The following THSD4 variants were observed in gnomAD, a reference collection of about 807,000 sequenced individuals.
THSD4 encodes the protein thrombospondin type-1 domain-containing protein 4.
Under a neutral mutation model 119.0 loss-of-function variants are expected in THSD4, and 69 were observed. The ratio of observed to expected loss-of-function variants is 0.58; its 90% CI spans 0.48 to 0.71. THSD4 has a LOEUF of 0.71. Ranked by LOEUF, THSD4 falls within the 30% of genes least tolerant of loss-of-function variation. THSD4 has a pLI of 0.00. For synonymous variants in THSD4, 524 were observed against 540.4 expected, an observed-to-expected ratio of 0.97 and a Z score of 0.42; for missense variants, 1,393 against 1,391.1, an observed-to-expected ratio of 1.00 and a Z score of -0.02.
intron 8 of THSD4, among the ~76,000 whole-genome samples, chr15:71,687,413 A>G (rs1342383652): frequency 6.6e-6 from 1 of 152,222 alleles, no homozygotes; most frequent in Non-Finnish European, 1.5e-5. Context: ...CAGGCATAAG[A>G]GACCGTGAAA....
intron 6 of THSD4, among the ~76,000 whole-genome samples, chr15:71,368,399 A>G (rs1420859001): frequency 2.6e-5 from 4 of 152,164 alleles, no homozygotes; most frequent in Non-Finnish European, 5.9e-5. Flanking sequence ...GTTTTCTTCT[A>G]GGGTTTTTAT....
chr15:71,423,293 G>A (rs1190362320), intron 7 of THSD4, among the ~76,000 whole-genome samples: 2 of 152,118 alleles, frequency 1.3e-5, no homozygotes, highest in Middle Eastern at 3.2e-3. Context: ...CTGGGAGTGC[G>A]CTCAGTCACA....
intron 3 of THSD4, among the ~76,000 whole-genome samples, chr15:71,204,203 T>A (rs536569855): frequency 3.2e-4 from 49 of 152,328 alleles, no homozygotes; most frequent in Admixed American, 3.9e-4. Flanking sequence ...TTTCTAGTTA[T>A]AACGAAGTAC....
At chr15:71,310,608 G>A (rs531168450) in intron 6 of THSD4, among the ~76,000 whole-genome samples, 1 of 152,248 alleles carries the variant, frequency 6.6e-6, no homozygotes, top group East Asian at 1.9e-4. Context: ...CTCTAAGCTT[G>A]CATTCATTCC....
chr15:71,141,802 G>T (rs1371276458), intron 2 of THSD4, among the ~76,000 whole-genome samples: 2 of 152,140 alleles, frequency 1.3e-5, no homozygotes, highest in Non-Finnish European at 2.9e-5. Context: ...CCTTCTGTAG[G>T]CTTCAAGAAA....
chr15:71,598,457 C>T (rs34988639), intron 7 of THSD4, among the ~76,000 whole-genome samples: 27,517 of 151,936 alleles, frequency 0.18, 3,105 homozygotes, highest in East Asian at 0.48. Flanking sequence ...TGCTAGAGGA[C>T]TCATTGTAAA....
At position 71,745,083 on chromosome 15, in the gene THSD4, C is replaced by T. The variant is rs1428966290; in HGVS notation, c.1907-23C>T. 3 of 1,606,112 alleles carry T rather than the reference C, an allele frequency of 1.9e-6. No homozygotes were observed. In the South Asian group the frequency reaches 3.3e-5, roughly 18 times the overall value. ...CTTTCCAGTGTGTGGGACTGTCCTT[C>T]AGACATTCTCCTGTTGTTGCAGGAT... On this transcript the variant is annotated intron_variant, in intron 11 of 17. Coordinates refer to ENST00000261862, the MANE Select transcript of THSD4 (RefSeq NM_024817.3).
intron 2 of THSD4, among the ~76,000 whole-genome samples, chr15:71,144,015 A>G (rs1052739576): frequency 6.6e-5 from 10 of 152,144 alleles, no homozygotes; most frequent in Non-Finnish European, 1.3e-4. Flanking sequence ...GGATGGGAGT[A>G]GTTGAAAGCT....
chr15:71,439,459 G>C (rs1045336653), intron 7 of THSD4, among the ~76,000 whole-genome samples: 5 of 152,142 alleles, frequency 3.3e-5, no homozygotes, highest in Admixed American at 3.3e-4. Context: ...ACAGTGTGAT[G>C]ATTCATCAAG....
At chr15:71,485,787 A>G (rs2047806759) in intron 7 of THSD4, among the ~76,000 whole-genome samples, 1 of 152,148 alleles carries the variant, frequency 6.6e-6, no homozygotes, top group Non-Finnish European at 1.5e-5. Flanking sequence ...TGTTATTCCT[A>G]TAAAATTAGT....
intron 7 of THSD4, among the ~76,000 whole-genome samples, chr15:71,506,354 A>G (rs906105227): frequency 3.3e-5 from 5 of 152,182 alleles, no homozygotes; most frequent in Non-Finnish European, 7.3e-5. Flanking sequence ...CAAACTGCCC[A>G]GGGTTAAGTA....
At chr15:71,255,223 T>TCACA (rs746920820) in intron 5 of THSD4, among the ~76,000 whole-genome samples, 9 of 151,374 alleles carry the variant, frequency 5.9e-5, no homozygotes, top group Non-Finnish European at 1.2e-4. Flanking sequence ...TTCTGATTAT[T>TCACA]CACACACACA....
rs768109324 is a variant in THSD4, at chr15:71,215,288, G to A, written c.353G>A (p.Arg118His). ...VRTSVPLHRSRDETPALAGTD... is the reference protein window; with the variant it reads ...VRTSVPLHRSHDETPALAGTD... ...ACGTCGGTGCCACTGCACCGGAGCC[G>A]CGACGAGACGCCAGCGCTGGCCGGT... The change falls in exon 4 of 18, where the codon CGC becomes CAC. Residue 118 changes from arginine to histidine, a missense_variant. Arg to His is a conservative substitution (Grantham distance 29). Coordinates refer to ENST00000261862, the MANE Select transcript of THSD4 (RefSeq NM_024817.3). The A allele has an allele frequency of 1.3e-6, 2 of 1,521,992 alleles. No homozygotes were observed. Among genetic ancestry groups the A allele is most frequent in the Admixed American group, 2.0e-5 (1 of 50,344 alleles). 94.3% of individuals were successfully genotyped at this position (1,521,992 alleles called of 1,614,324 possible). A position where few individuals can be genotyped will look rare whatever the true frequency, so the allele number is the denominator to read the frequency against.
chr15:71,240,798 TACACACACACAC>T (rs58462444), intron 4 of THSD4, among the ~76,000 whole-genome samples: 186 of 145,608 alleles, frequency 1.3e-3, no homozygotes, highest in African/African-American at 4.4e-3. Flanking sequence ...TATATGTGTA[TACACACACACAC>T]ACACACACAC....
At chr15:71,100,722 G>C (rs1175028005) in intron 1 of THSD4, among the ~76,000 whole-genome samples, 1 of 152,180 alleles carries the variant, frequency 6.6e-6, no homozygotes, top group South Asian at 2.1e-4. Context: ...GCTCATGACT[G>C]TAATTCCAGC....
At chr15:71,369,665 G>A (rs2046016105) in intron 6 of THSD4, among the ~76,000 whole-genome samples, 1 of 152,184 alleles carries the variant, frequency 6.6e-6, no homozygotes, top group African/African-American at 2.4e-5. Flanking sequence ...TTTTTGATGT[G>A]CTGCTGGATT....
intron 5 of THSD4, among the ~76,000 whole-genome samples, chr15:71,246,364 T>TA (rs2044201275): frequency 6.6e-6 from 1 of 152,154 alleles, no homozygotes. Flanking sequence ...ACTGAAGAAA[T>TA]ACGTGGATGA....
chr15:71,682,463 G>C (rs1015326602), intron 8 of THSD4, among the ~76,000 whole-genome samples: 3 of 151,836 alleles, frequency 2.0e-5, no homozygotes, highest in Non-Finnish European at 4.4e-5. Flanking sequence ...CCTCCCCACC[G>C]CAGAAAGAAC....
intron 6 of THSD4, among the ~76,000 whole-genome samples, chr15:71,292,466 A>G (rs1487152338): frequency 2.0e-5 from 3 of 148,586 alleles, no homozygotes; most frequent in Admixed American, 6.7e-5. Context: ...TGTCTTTCCT[A>G]TTTTCTGTTT....
Sources: gnomAD v4.1 joint callset for allele counts (sites outside exome capture counted in the v4.1 genomes callset) on GRCh38, gnomAD v4.1.1 for gene constraint, MANE v1.5 for transcripts, NCBI Gene and HGNC (gene_info 2026-07-23, HGNC 2026-07-21) for gene names.